Variants in SGCZ observed in about 807,000 individuals in gnomAD.
The protein encoded by SGCZ is zeta-sarcoglycan.
Under a neutral mutation model 41.3 loss-of-function variants are expected in SGCZ, and 40 were observed. The ratio of observed to expected loss-of-function variants is 0.97; its 90% CI spans 0.75 to 1.26. The LOEUF (loss-of-function observed/expected upper bound fraction) is 1.26, where lower values mean the gene tolerates loss of function less well. Ranked by LOEUF, SGCZ falls within the 50% of genes most tolerant of loss-of-function variation. The pLI is 0.00. For missense variants in SGCZ, 552 were observed against 369.8 expected, an observed-to-expected ratio of 1.49 and a Z score of -4.04; for synonymous variants, 206 against 137.5, an observed-to-expected ratio of 1.50 and a Z score of -3.49.
chr8:14,596,277 G>C (rs1388058484), intron 1 of SGCZ, among the ~76,000 whole-genome samples: 1 of 152,188 alleles, frequency 6.6e-6, no homozygotes, highest in Non-Finnish European at 1.5e-5. Context: ...AGAAGGTTGT[G>C]CACTAACTGA....
intron 2 of SGCZ, among the ~76,000 whole-genome samples, chr8:14,498,853 C>T (rs571968521): frequency 4.0e-5 from 6 of 151,298 alleles, no homozygotes; most frequent in African/African-American, 1.5e-4. Flanking sequence ...TATTTACCCT[C>T]ATATGTGTTC....
intron 1 of SGCZ, among the ~76,000 whole-genome samples, chr8:14,642,965 T>C (rs1417679192): frequency 1.3e-5 from 2 of 151,582 alleles, no homozygotes; most frequent in East Asian, 1.9e-4. Context: ...TGCAAACCCC[T>C]AGAAAAATGA....
chr8:14,935,312 G>A (rs1351271831), intron 1 of SGCZ, among the ~76,000 whole-genome samples: 2 of 151,644 alleles, frequency 1.3e-5, no homozygotes, highest in African/African-American at 4.8e-5. Context: ...CTACATTTGT[G>A]ACATTCTTCC....
chr8:14,519,773 A>G (rs1802735577), intron 2 of SGCZ, among the ~76,000 whole-genome samples: 1 of 152,100 alleles, frequency 6.6e-6, no homozygotes, highest in South Asian at 2.1e-4. Context: ...TGTTGAAAGT[A>G]ATCATGAGAA....
chr8:14,943,863 G>C (rs4831319), intron 1 of SGCZ, among the ~76,000 whole-genome samples: 5,853 of 152,120 alleles, frequency 0.038, 353 homozygotes, highest in African/African-American at 0.13. Flanking sequence ...AGTTTCCTTA[G>C]GAAAGTGACC....
At chr8:14,436,583 C>T (rs1800100562) in intron 2 of SGCZ, among the ~76,000 whole-genome samples, 1 of 152,166 alleles carries the variant, frequency 6.6e-6, no homozygotes, top group African/African-American at 2.4e-5. Context: ...GCAATGCTGG[C>T]AGTACCAAAG....
At chr8:14,286,694 A>T (rs187935276) in intron 3 of SGCZ, among the ~76,000 whole-genome samples, 1 of 152,270 alleles carries the variant, frequency 6.6e-6, no homozygotes, top group Admixed American at 6.5e-5. Context: ...TTATTTTCAA[A>T]GTTTGACTTT....
intron 2 of SGCZ, among the ~76,000 whole-genome samples, chr8:14,529,142 GTA>G (rs1490773332): frequency 1.3e-5 from 2 of 152,118 alleles, no homozygotes; most frequent in Non-Finnish European, 2.9e-5. Context: ...AGTTCAGCAT[GTA>G]TGTCCACTTC....
chr8:14,867,725 C>T (rs565830545), intron 1 of SGCZ, among the ~76,000 whole-genome samples: 30 of 152,092 alleles, frequency 2.0e-4, no homozygotes, highest in African/African-American at 6.7e-4. Flanking sequence ...GATGTGAACA[C>T]ATGGACCGAG....
intron 4 of SGCZ, among the ~76,000 whole-genome samples, chr8:14,214,206 G>A (rs1805913791): frequency 6.6e-6 from 1 of 152,076 alleles, no homozygotes; most frequent in African/African-American, 2.4e-5. Flanking sequence ...TCAGAAAAAT[G>A]TCAGACAAAT....
At chr8:14,987,123 C>A (rs1224991248) in intron 1 of SGCZ, among the ~76,000 whole-genome samples, 1 of 151,758 alleles carries the variant, frequency 6.6e-6, no homozygotes. Context: ...TTTAAAATTA[C>A]TATAATTAGA....
chr8:14,702,854 TAG>T (rs1809200844), intron 1 of SGCZ, among the ~76,000 whole-genome samples: 1 of 146,576 alleles, frequency 6.8e-6, no homozygotes, highest in Admixed American at 6.8e-5. Flanking sequence ...GATAGATAGA[TAG>T]ATAGATAGAT....
chr8:14,860,735 A>AAAGAAAGAAAGAAAGAAAGAAAGT (rs1178772574), intron 1 of SGCZ, among the ~76,000 whole-genome samples: 11 of 112,832 alleles, frequency 9.7e-5, no homozygotes, highest in African/African-American at 3.4e-4. Context: ...AGAAAGAAAG[A>AAAGAAAGAAAGAAAGAAAGAAAGT]AAGTAAGTAA....
At chr8:14,203,911 A>G (rs2117077287) in intron 4 of SGCZ, among the ~76,000 whole-genome samples, 1 of 151,896 alleles carries the variant, frequency 6.6e-6, no homozygotes, top group East Asian at 1.9e-4. Flanking sequence ...CTCCAAAAAG[A>G]AAGAATAATA....
At chr8:15,161,763 C>T (rs1003458842) in intron 1 of SGCZ, among the ~76,000 whole-genome samples, 13 of 152,112 alleles carry the variant, frequency 8.5e-5, no homozygotes, top group African/African-American at 2.9e-4. Context: ...GGCTGGGTGC[C>T]GTGGCTCACA....
chr8:14,504,566 TGC>T (rs1416327875), intron 2 of SGCZ, among the ~76,000 whole-genome samples: 1 of 152,200 alleles, frequency 6.6e-6, no homozygotes, highest in African/African-American at 2.4e-5. Flanking sequence ...TTCTTTCTTC[TGC>T]GTTATTGCCT....
intron 1 of SGCZ, among the ~76,000 whole-genome samples, chr8:15,051,642 C>A (rs1488488841): frequency 6.6e-6 from 1 of 152,058 alleles, no homozygotes; most frequent in Non-Finnish European, 1.5e-5. Flanking sequence ...TTCATTTCTC[C>A]ACAGTCTTGC....
intron 3 of SGCZ, among the ~76,000 whole-genome samples, chr8:14,317,334 G>A (rs1297808333): frequency 6.6e-6 from 1 of 151,934 alleles, no homozygotes; most frequent in African/African-American, 2.4e-5. Context: ...TAAAACTAAG[G>A]CAAAGAGGGG....
chr8:14,650,804 A>G (rs1015255920), intron 1 of SGCZ, among the ~76,000 whole-genome samples: 3 of 152,056 alleles, frequency 2.0e-5, no homozygotes, highest in Non-Finnish European at 4.4e-5. Flanking sequence ...TTATCACAGT[A>G]ATATTACATT....
Sources: gnomAD v4.1 joint callset for allele counts (sites outside exome capture counted in the v4.1 genomes callset) on GRCh38, gnomAD v4.1.1 for gene constraint, MANE v1.5 for transcripts, NCBI Gene and HGNC (gene_info 2026-07-23, HGNC 2026-07-21) for gene names.